The following POR variants were observed in gnomAD, a reference collection of about 807,000 sequenced individuals.
The protein encoded by POR is cytochrome p450 oxidoreductase.
In POR, 56 loss-of-function variants were observed where a neutral mutation model predicts 84.0. That is an observed-to-expected ratio of 0.67 (90% CI 0.54 to 0.83). POR has a LOEUF of 0.83. Among genes scored for constraint, POR ranks in the 40% least tolerant of loss-of-function variants. The pLI, the probability that POR is intolerant of heterozygous loss-of-function variation, is 0.00. For missense variants in POR, 938 were observed against 944.3 expected, an observed-to-expected ratio of 0.99 and a Z score of 0.09; for synonymous variants, 414 against 400.5, an observed-to-expected ratio of 1.03 and a Z score of -0.40.
chr7:75,985,084 G>A lies in POR; in HGVS notation c.1275G>A (p.Glu425=). The change falls in exon 12 of 16, where the codon GAG becomes GAA. Residue 425 remains glutamate (E), a synonymous_variant. Transcript: ENST00000461988. ...AGCTGTACCTGAGCTGGGTGGTGGA[G>A]GCCCGGAGGCACATCCTGGCCATCC... 6 of 1,599,374 alleles carry A rather than the reference G, an allele frequency of 3.8e-6. No homozygotes were observed. The highest frequency in any genetic ancestry group is 5.1e-6 in the Non-Finnish European group (6 of 1,179,046).
intron 1 of POR, among the ~76,000 whole-genome samples, chr7:75,918,084 A>G (rs1806661091): frequency 6.6e-6 from 1 of 152,194 alleles, no homozygotes; most frequent in Non-Finnish European, 1.5e-5. Flanking sequence ...AGGCAGGCAG[A>G]TCACTTGAGG....
chr7:75,931,357 A>ATTTG (rs1807411018), intron 1 of POR, among the ~76,000 whole-genome samples: 1 of 150,558 alleles, frequency 6.6e-6, no homozygotes, highest in South Asian at 2.1e-4. Flanking sequence ...TTATTTATTT[A>ATTTG]TTTATTTATT....
chr7:75,949,095 C>T (rs1161354683), intron 1 of POR, among the ~76,000 whole-genome samples: 1 of 152,018 alleles, frequency 6.6e-6, no homozygotes, highest in African/African-American at 2.4e-5. Flanking sequence ...TTCTGAGGGC[C>T]GGATCGTATG....
chr7:75,929,593 C>T (rs577837920), intron 1 of POR, among the ~76,000 whole-genome samples: 4 of 152,132 alleles, frequency 2.6e-5, no homozygotes, highest in African/African-American at 7.2e-5. Flanking sequence ...TAGCAATGAC[C>T]GAACATCAAG....
intron 1 of POR, among the ~76,000 whole-genome samples, chr7:75,953,038 T>C (rs993656801): frequency 3.9e-5 from 6 of 152,076 alleles, no homozygotes; most frequent in African/African-American, 1.4e-4. Flanking sequence ...CATTGAGCAC[T>C]GAGGGAACGA....
intron 2 of POR, among the ~76,000 whole-genome samples, chr7:75,956,821 G>A (rs1393450437): frequency 7.9e-5 from 12 of 152,048 alleles, no homozygotes; most frequent in African/African-American, 2.9e-4. Context: ...CGCCTCCCGG[G>A]TTCAGGCGAT....
In POR at chr7:75,952,439, C is replaced by T. The variant is rs1178398868; in HGVS notation, c.-4-1550C>T. Among the ~76,000 whole-genome samples, 12 of 137,370 alleles carry T rather than the reference C, an allele frequency of 8.7e-5. No homozygotes were observed. The East Asian group carries it at 1.2e-3, about 13-fold the overall frequency. 90.1% of individuals were successfully genotyped at this position (137,370 alleles called of 152,430 possible). ...CTGACCCCCCCACCTCCCTCCCGGA[C>T]GGAGCGGCTGGCCGGGCGGGGGCTG... On this transcript the variant is annotated intron_variant, in intron 1 of 15. Coordinates refer to ENST00000461988, the MANE Select transcript of POR (RefSeq NM_000941.3).
intron 1 of POR, among the ~76,000 whole-genome samples, chr7:75,926,617 G>A (rs1256464675): frequency 1.3e-5 from 2 of 152,098 alleles, no homozygotes; most frequent in Non-Finnish European, 2.9e-5. Context: ...CCAACATGGA[G>A]AAACCTGTCT....
At chr7:75,984,743 C>A in intron 10 of POR, 34 bp from the exon 11 acceptor site, 4 of 1,604,936 alleles carry the variant, frequency 2.5e-6, no homozygotes, top group Non-Finnish European at 3.4e-6. Flanking sequence ...GAGGCGGCCG[C>A]CTACCCCAAG....
chr7:75,981,451 G>A, intron 6 of POR, 66 bp from the exon 7 acceptor site: 1 of 1,471,778 alleles, frequency 6.8e-7, no homozygotes, highest in Non-Finnish European at 9.3e-7. Context: ...GGGCGTGCCT[G>A]GCACCAGGTA....
At chr7:75,955,085 GCACAC>G (rs1198800848) in intron 2 of POR, among the ~76,000 whole-genome samples, 5 of 152,188 alleles carry the variant, frequency 3.3e-5, no homozygotes, top group Non-Finnish European at 7.4e-5. Flanking sequence ...CAAGCAATCC[GCACAC>G]CTTGGTCTCC....
At chr7:75,980,208 A>T in intron 4 of POR, 131 bp from the exon 5 acceptor site, 1 of 1,108,992 alleles carries the variant, frequency 9.0e-7, no homozygotes, top group Non-Finnish European at 1.3e-6. Context: ...CTTCTCTCTG[A>T]TCCCACGACA....
intron 8 of POR, 42 bp downstream of exon 8, chr7:75,982,364 C>T (rs1235451675): frequency 6.8e-7 from 1 of 1,478,654 alleles, no homozygotes; most frequent in Non-Finnish European, 9.3e-7. Context: ...GGCTCTATGG[C>T]CACTGGTGCA....
At chr7:75,980,656 G>A (rs1010606442) in intron 5 of POR, 168 bp downstream of exon 5, 39 of 1,545,494 alleles carry the variant, frequency 2.5e-5, no homozygotes, top group South Asian at 3.5e-5. Context: ...CCAGCACTAC[G>A]AGAATGTCCC....
rs1554557562 is a variant in POR at position 75,980,454 on chromosome 7, A to C, written c.482A>C (p.Glu161Ala). 6.2e-7 allele frequency: 1 copy of C among 1,613,090 alleles called. No individual in the cohort carries two copies. The highest frequency in any genetic ancestry group is 1.7e-5 in the Admixed American group (1 of 60,014). ...CAGGACTTCTACGACTGGCTGCAGG[A>C]GACAGACGTGGATCTCTCTGGGGTC... is the stretch of plus-strand genomic sequence containing the variant. The change falls in exon 5 of 16, where the codon GAG becomes GCG. Residue 161 changes from glutamate (E) to alanine (A), a missense_variant. By Grantham distance (107) the Glu-to-Ala change is moderately radical. Transcript: ENST00000461988.
rs540292235 is a variant in POR, at chr7:75,968,187, C to T, written c.189-4226C>T. 175 of 462,634 alleles carry T rather than the reference C, an allele frequency of 3.8e-4. 1 individual carries two copies. The highest frequency in any genetic ancestry group is 2.0e-3 in the South Asian group (129 of 64,492). The allele number at this position is 462,634 out of a possible 1,614,324, so 28.7% of individuals were successfully genotyped here. A position where few individuals can be genotyped will look rare whatever the true frequency, so the allele number is the denominator to read the frequency against. ...GCCCTCATGCCCCTTGGCCAGGGGA[C>T]GCCTGCACCCTCACTCGAGTGTGGG... is the stretch of plus-strand genomic sequence containing the variant. On this transcript the variant is annotated intron_variant, in intron 2 of 15. Coordinates refer to ENST00000461988, the MANE Select transcript of POR (RefSeq NM_000941.3).
At chr7:75,939,868 A>G (rs1483869575) in intron 1 of POR, among the ~76,000 whole-genome samples, 1 of 151,786 alleles carries the variant, frequency 6.6e-6, no homozygotes, top group Admixed American at 6.6e-5. Context: ...TCAGCCTCCC[A>G]AAGTGTTGGG....
chr7:75,983,710 C>T, intron 9 of POR, 28 bp from the exon 10 acceptor site: 1 of 1,610,006 alleles, frequency 6.2e-7, no homozygotes, highest in East Asian at 2.2e-5. Flanking sequence ...AGCCTTCCGC[C>T]CCTCCCGAGC....
chr7:75,981,034 C>T lies in POR; in HGVS notation c.517-14C>T. The stretch of plus-strand genomic sequence containing the variant: ...CGAGGGCCAGGCCTCAGAGCGGCCC[C>T]TGTGTCCACGCAGGTGTTTGGTCTT... On this transcript the variant is annotated splice_polypyrimidine_tract_variant and intron_variant, in intron 5 of 15. Transcript: ENST00000461988. 6.4e-7 allele frequency: 1 copy of T among 1,555,438 alleles called. No homozygotes were observed. Among genetic ancestry groups the T allele is most frequent in the Non-Finnish European group, 8.7e-7 (1 of 1,150,356 alleles).
Sources: allele counts gnomAD v4.1 joint callset (sites outside exome capture counted in the v4.1 genomes callset), GRCh38; gene constraint gnomAD v4.1.1; transcripts MANE v1.5; gene names NCBI Gene and HGNC (gene_info 2026-07-23, HGNC 2026-07-21).